KAT6A: variants seen among roughly 807,000 people sequenced by gnomAD.
KAT6A encodes lysine acetyltransferase 6A.
Under a neutral mutation model 198.4 loss-of-function variants are expected in KAT6A, and 9 were observed. That is an observed-to-expected ratio of 0.05 (90% CI 0.03 to 0.08). The LOEUF is 0.08. KAT6A is among the 10% of genes least tolerant of loss of function. The pLI is 1.00. For synonymous variants in KAT6A, 890 were observed against 883.0 expected (o/e 1.01, Z -0.14); for missense variants, 2,077 against 2,509.9 (o/e 0.83, Z 3.69).
chr8:42,021,685 C>A (rs117125828), intron 2 of KAT6A, among the ~76,000 whole-genome samples: 15,939 of 152,164 alleles, frequency 0.1, 1,073 homozygotes, highest in East Asian at 0.24. Context: ...AATCCCAGCA[C>A]TTTGGGAGGC....
intron 2 of KAT6A, among the ~76,000 whole-genome samples, chr8:42,044,287 TG>T (rs750149792): frequency 2.0e-5 from 3 of 151,882 alleles, no homozygotes; most frequent in Non-Finnish European, 4.4e-5. Flanking sequence ...TCTGTAGAGA[TG>T]GGGTTTCACC....
chr8:42,011,917 C>T (rs973122150), intron 2 of KAT6A, among the ~76,000 whole-genome samples: 8 of 143,970 alleles, frequency 5.6e-5, no homozygotes, highest in African/African-American at 2.0e-4. Flanking sequence ...AAAAGAATAA[C>T]AAAGAGGAAA....
intron 8 of KAT6A, among the ~76,000 whole-genome samples, chr8:41,974,154 T>G (rs745864130): frequency 2.6e-4 from 40 of 152,052 alleles, no homozygotes; most frequent in Admixed American, 3.3e-4. Flanking sequence ...CTCAGGTCAC[T>G]GCAACCTCCA....
At chr8:41,979,643 G>A (rs1304920200) in intron 5 of KAT6A, among the ~76,000 whole-genome samples, 1 of 151,844 alleles carries the variant, frequency 6.6e-6, no homozygotes, top group African/African-American at 2.4e-5. Flanking sequence ...CACATAAATG[G>A]AAAAAGTGGG....
At chr8:41,951,014 C>T (rs1014992516) in intron 9 of KAT6A, among the ~76,000 whole-genome samples, 42 of 151,626 alleles carry the variant, frequency 2.8e-4, no homozygotes, top group Non-Finnish European at 3.1e-4. Flanking sequence ...GAGAGAAGGC[C>T]AAAAATGTTT....
chr8:42,005,344 G>A (rs894693574), intron 2 of KAT6A, among the ~76,000 whole-genome samples: 8 of 152,148 alleles, frequency 5.3e-5, no homozygotes, highest in East Asian at 1.9e-4. Context: ...TACTACCTCC[G>A]TAACAGTATA....
chr8:42,051,111 G>A (rs1802604179), intron 1 of KAT6A, among the ~76,000 whole-genome samples: 1 of 152,256 alleles, frequency 6.6e-6, no homozygotes, highest in South Asian at 2.1e-4. Flanking sequence ...ATGAAATCAC[G>A]TGAAGGAGTT....
intron 2 of KAT6A, among the ~76,000 whole-genome samples, chr8:42,021,098 AGG>A (rs1826510306): frequency 6.6e-6 from 1 of 152,126 alleles, no homozygotes; most frequent in Non-Finnish European, 1.5e-5. Context: ...GGCCAAACTG[AGG>A]GGGAATAGGA....
intron 2 of KAT6A, among the ~76,000 whole-genome samples, chr8:42,027,699 T>C (rs1429102868): frequency 6.6e-6 from 1 of 152,156 alleles, no homozygotes; most frequent in African/African-American, 2.4e-5. Flanking sequence ...TTTGCCTCGC[T>C]AGCAGTTTAT....
At chr8:42,042,929 T>C (rs553416266) in intron 2 of KAT6A, among the ~76,000 whole-genome samples, 89 of 152,246 alleles carry the variant, frequency 5.8e-4, no homozygotes, top group African/African-American at 1.8e-3. Context: ...TGAAAGGAAA[T>C]TGAATCTTTC....
In KAT6A at chr8:41,934,200, A is replaced by G. The variant is rs1821726055; in HGVS notation, c.4020T>C (p.Asp1340=). ...KELEEQPTRE[D]VKEEPGVQES... ...CTTGAACACCAGGCTCCTCCTTGACATCTTCCCTCGTGGGCTGTTCCTCTA... is the reference window on the plus strand; with the variant it reads ...CTTGAACACCAGGCTCCTCCTTGACGTCTTCCCTCGTGGGCTGTTCCTCTA... Residue 1340 remains aspartate (D), a synonymous_variant, in exon 17 of 17, where the codon GAT becomes GAC. Transcript: ENST00000265713. 6.2e-7 allele frequency: 1 copy of G among 1,613,878 alleles called. No individual in the cohort carries two copies. The highest frequency in any genetic ancestry group is 1.3e-5 in the African/African-American group (1 of 74,870).
intron 2 of KAT6A, among the ~76,000 whole-genome samples, chr8:42,045,581 A>G (rs1250646613): frequency 6.6e-6 from 1 of 151,724 alleles, no homozygotes; most frequent in Non-Finnish European, 1.5e-5. Context: ...AAAAAAAACA[A>G]AAAAACACTA....
chr8:42,003,992 G>A (rs541380505), intron 2 of KAT6A, among the ~76,000 whole-genome samples: 22 of 152,216 alleles, frequency 1.4e-4, no homozygotes, highest in African/African-American at 5.3e-4. Flanking sequence ...TTTAGTCTAC[G>A]GTATTCTGTA....
At chr8:41,955,753 A>C (rs528710190) in intron 8 of KAT6A, among the ~76,000 whole-genome samples, 1 of 152,336 alleles carries the variant, frequency 6.6e-6, no homozygotes, top group Non-Finnish European at 1.5e-5. Context: ...TAAGATAAAG[A>C]ATAATTTACA....
At chr8:42,002,199 T>C (rs1171832319) in intron 2 of KAT6A, among the ~76,000 whole-genome samples, 1 of 152,214 alleles carries the variant, frequency 6.6e-6, no homozygotes, top group Non-Finnish European at 1.5e-5. Flanking sequence ...AAGATTAATT[T>C]GGGTTACCCA....
At chr8:41,949,148 T>G in intron 10 of KAT6A, 74 bp downstream of exon 10, 1 of 970,436 alleles carries the variant, frequency 1.0e-6, no homozygotes, top group South Asian at 2.2e-5. Flanking sequence ...AATAGAAAGT[T>G]GCACAATAGA....
intron 2 of KAT6A, among the ~76,000 whole-genome samples, chr8:42,029,042 C>T (rs1473736590): frequency 2.0e-5 from 3 of 152,110 alleles, no homozygotes; most frequent in Admixed American, 2.0e-4. Context: ...ATTTATCTTT[C>T]ATTCTAAAAA....
chr8:41,977,995 A>G (rs1824147184), intron 6 of KAT6A, among the ~76,000 whole-genome samples: 1 of 152,260 alleles, frequency 6.6e-6, no homozygotes. Flanking sequence ...ATATCATCAA[A>G]GGTGAGTTAC....
chr8:41,934,037 C>T lies in KAT6A; in HGVS notation c.4183G>A (p.Asp1395Asn). 3.1e-6 allele frequency: 5 copies of T among 1,614,096 alleles called. No homozygotes were observed. Among genetic ancestry groups the T allele is most frequent in the Non-Finnish European group, 4.2e-6 (5 of 1,180,016 alleles). ...TTAGTGTGGGAGTCTTCTTCGTGGT[C>T]GTCCTCAGACCCAGCCATCTGCTCT... ...VSEQMAGSEDDHEEDSHTKEE... is the reference protein window; with the variant it reads ...VSEQMAGSEDNHEEDSHTKEE... Residue 1395 changes from aspartate to asparagine, a missense_variant, in exon 17 of 17, where the codon GAC becomes AAC. Physicochemically the swap from Asp to Asn is conservative, Grantham distance 23. Transcript: ENST00000265713.
Sources: allele counts gnomAD v4.1 joint callset (sites outside exome capture counted in the v4.1 genomes callset), GRCh38; gene constraint gnomAD v4.1.1; transcripts MANE v1.5; gene names NCBI Gene and HGNC (gene_info 2026-07-23, HGNC 2026-07-21).